Variants in ABCC1 observed in about 807,000 individuals in gnomAD.
The protein encoded by ABCC1 is ATP binding cassette subfamily C member 1 (ABCC1 blood group).
In ABCC1, 83 loss-of-function variants were observed where a neutral mutation model predicts 172.9. That is an observed-to-expected ratio of 0.48 (90% CI 0.40 to 0.58). ABCC1 has a LOEUF of 0.58. Among genes scored for constraint, ABCC1 ranks in the 20% least tolerant of loss-of-function variants. ABCC1 has a pLI of 0.00. For synonymous variants in ABCC1, 937 were observed against 825.2 expected, an observed-to-expected ratio of 1.14 and a Z score of -2.32; for missense variants, 1,817 against 2,002.7, an observed-to-expected ratio of 0.91 and a Z score of 1.77.
rs1296727715 is a variant in ABCC1 at position 16,114,991 on chromosome 16, T to C, written c.3305T>C (p.Ile1102Thr). ...KMFMGSLFNVIGACIVILLAT... is the reference protein window; with the variant it reads ...KMFMGSLFNVTGACIVILLAT... Reference sequence around the variant, plus strand: ...TTCATGGGCTCCCTGTTCAACGTCATTGGTGCCTGCATCGTTATCCTGCTG... The same window carrying C: ...TTCATGGGCTCCCTGTTCAACGTCACTGGTGCCTGCATCGTTATCCTGCTG... Residue 1102 changes from isoleucine to threonine, a missense_variant, in exon 23 of 31, where the codon ATT (isoleucine) becomes ACT (threonine). Around this residue, in one of 3 missense-constraint regions of ABCC1, gnomAD observed 1,412 missense variants for 1,600.3 expected, o/e 0.88. Transcript: ENST00000399410. 3 of 1,614,084 alleles carry C rather than the reference T, an allele frequency of 1.9e-6. No individual in the cohort carries two copies. The highest frequency in any genetic ancestry group is 2.7e-5 in the African/African-American group (2 of 74,938).
At chr16:15,954,300 G>C (rs762775) in intron 1 of ABCC1, among the ~76,000 whole-genome samples, 29,118 of 151,960 alleles carry the variant, frequency 0.19, 3,826 homozygotes, top group African/African-American at 0.38. Flanking sequence ...AAGTGTTGGG[G>C]ATTGCAAGCG....
rs1168974211 is a variant in ABCC1 at position 16,090,540 on chromosome 16, C to T, written c.2596C>T (p.Leu866=). The T allele has an allele frequency of 1.2e-6, 2 of 1,613,440 alleles. No individual in the cohort carries two copies. Among genetic ancestry groups the T allele is most frequent in the African/African-American group, 1.3e-5 (1 of 74,924 alleles). ...TCGAGACGGCGCCTTCGCTGAGTTC[C>T]TGCGTACCTATGCCAGCACAGAGCA... The part of the protein sequence containing the change: ...LARDGAFAEF[L]RTYASTEQEQ... Residue 866 remains leucine (L), a synonymous_variant, in exon 19 of 31, where the codon CTG becomes TTG. Coordinates refer to ENST00000399410, the MANE Select transcript of ABCC1 (RefSeq NM_004996.4).
chr16:16,136,913 G>T (rs2152166895), intron 29 of ABCC1, among the ~76,000 whole-genome samples: 1 of 152,270 alleles, frequency 6.6e-6, no homozygotes, highest in Non-Finnish European at 1.5e-5. Context: ...GCTGTCAGTT[G>T]TTAAGCTATG....
chr16:16,074,111 A>G (rs1018325109), intron 14 of ABCC1, among the ~76,000 whole-genome samples: 40 of 152,320 alleles, frequency 2.6e-4, no homozygotes, highest in Admixed American at 2.2e-3. Context: ...CGCTACTGAC[A>G]TCTGGAGACA....
intron 9 of ABCC1, 119 bp downstream of exon 9, chr16:16,046,132 G>C: frequency 8.6e-7 from 1 of 1,164,144 alleles, no homozygotes; most frequent in Non-Finnish European, 1.2e-6. Flanking sequence ...GTAGGATGAG[G>C]GTAGCTTCCG....
At chr16:16,104,059 C>T (rs1322831178) in intron 20 of ABCC1, among the ~76,000 whole-genome samples, 1 of 152,134 alleles carries the variant, frequency 6.6e-6, no homozygotes, top group African/African-American at 2.4e-5. Context: ...TCGTTCGTTC[C>T]TCCCGCTGGG....
chr16:16,011,460 T>G (rs1178944173), intron 3 of ABCC1, among the ~76,000 whole-genome samples: 1 of 152,020 alleles, frequency 6.6e-6, no homozygotes, highest in East Asian at 1.9e-4. Context: ...CCATGAATCT[T>G]TATTTTTCTA....
At chr16:15,983,795 A>AT (rs11416711) in intron 1 of ABCC1, among the ~76,000 whole-genome samples, 127,135 of 151,858 alleles carry the variant, frequency 0.84, 53,384 homozygotes, top group Non-Finnish European at 0.87. Flanking sequence ...ACCTCAAGTG[A>AT]TTCGCCTGCC....
intron 19 of ABCC1, among the ~76,000 whole-genome samples, chr16:16,099,305 C>A (rs1181450190): frequency 1.3e-5 from 2 of 152,156 alleles, no homozygotes; most frequent in African/African-American, 4.8e-5. Flanking sequence ...ACACATGGGC[C>A]CAGACAATGC....
At position 16,083,465 on chromosome 16, in the gene ABCC1, T is replaced by G; in HGVS notation, c.2215T>G (p.Ser739Ala). Reference protein sequence around the residue: ...GCQLEEPYYRSVIQACALLPD... With the variant: ...GCQLEEPYYRAVIQACALLPD... ...TCAGCTGGAGGAACCATATTACAGG[T>G]CCGTGATACAGGCCTGTGCCCTCCT... is the stretch of plus-strand genomic sequence containing the variant. Residue 739 changes from serine to alanine, a missense_variant, in exon 17 of 31, where the codon TCC (serine) becomes GCC (alanine). Around this residue, in one of 3 missense-constraint regions of ABCC1, gnomAD observed 1,412 missense variants for 1,600.3 expected, o/e 0.88. Coordinates refer to ENST00000399410, the MANE Select transcript of ABCC1 (RefSeq NM_004996.4). 6.2e-7 allele frequency: 1 copy of G among 1,613,898 alleles called. No homozygotes were observed.
chr16:15,971,856 A>G (rs936811224), intron 1 of ABCC1, among the ~76,000 whole-genome samples: 3 of 152,138 alleles, frequency 2.0e-5, no homozygotes, highest in Non-Finnish European at 4.4e-5. Context: ...AGATAAAATG[A>G]CACAGACACA....
chr16:16,023,184 G>T lies in ABCC1; in HGVS notation c.615+6563G>T, dbSNP rs560929500. ...CCACCTCAGCCTCCCAAAATACTGG[G>T]ATTACAGGCCTGAGCCACTGAACCT... On this transcript the variant is annotated intron_variant, in intron 5 of 30. Transcript: ENST00000399410. 2.6e-5 allele frequency among the ~76,000 whole-genome samples: 4 copies of T among 152,310 alleles called. No homozygotes were observed. The South Asian group carries it at 8.3e-4, about 32-fold the overall frequency.
intron 1 of ABCC1, among the ~76,000 whole-genome samples, chr16:15,971,142 C>G (rs1303177399): frequency 6.6e-6 from 1 of 152,144 alleles, no homozygotes; most frequent in Non-Finnish European, 1.5e-5. Context: ...CAGATAGCAG[C>G]TAGGTATATG....
intron 1 of ABCC1, among the ~76,000 whole-genome samples, chr16:15,987,900 TGCC>T (rs1205516068): frequency 2.0e-4 from 30 of 152,320 alleles, no homozygotes; most frequent in Middle Eastern, 3.4e-3. Context: ...CTGCTTGGTG[TGCC>T]CTTCCTCCAG....
chr16:16,059,939 C>T (rs959225963), intron 12 of ABCC1, among the ~76,000 whole-genome samples: 5 of 151,566 alleles, frequency 3.3e-5, no homozygotes, highest in African/African-American at 7.3e-5. Flanking sequence ...GAGATCGCAG[C>T]GAGCTGAGGT....
chr16:15,971,795 C>T (rs61688128), intron 1 of ABCC1, among the ~76,000 whole-genome samples: 19,805 of 152,072 alleles, frequency 0.13, 1,404 homozygotes, highest in Middle Eastern at 0.16. Flanking sequence ...CAAAATGATA[C>T]GGCTCCGATG....
At chr16:16,137,948 G>A (rs1000443557) in intron 29 of ABCC1, among the ~76,000 whole-genome samples, 2 of 151,682 alleles carry the variant, frequency 1.3e-5, no homozygotes, top group Non-Finnish European at 2.9e-5. Context: ...TCTAACTCCT[G>A]GACTCAAGCA....
chr16:16,131,649 C>A (rs147183077), intron 26 of ABCC1, 140 bp from the exon 27 acceptor site: 2 of 879,244 alleles, frequency 2.3e-6, no homozygotes, highest in Admixed American at 5.8e-5. Context: ...GAATAACATT[C>A]CAGGAAGGGC....
chr16:16,132,036 C>A, intron 27 of ABCC1, 101 bp downstream of exon 27: 1 of 1,432,824 alleles, frequency 7.0e-7, no homozygotes, highest in South Asian at 1.3e-5. Context: ...TCACTCACGG[C>A]TCCACACCTT....
Sources: gnomAD v4.1 joint callset for allele counts (sites outside exome capture counted in the v4.1 genomes callset) on GRCh38, gnomAD v4.1.1 for gene constraint, gnomAD v4.1.1 regional missense constraint, MANE v1.5 for transcripts, NCBI Gene and HGNC (gene_info 2026-07-23, HGNC 2026-07-21) for gene names.